Variants in MYH7B observed in about 807,000 individuals in gnomAD.
The protein encoded by MYH7B is myosin heavy chain 7B.
Under a neutral mutation model 234.5 loss-of-function variants are expected in MYH7B, and 205 were observed. That is an observed-to-expected ratio of 0.87 (90% CI 0.78 to 0.98). The LOEUF is 0.98. Ranked by LOEUF, MYH7B falls within the 50% of genes least tolerant of loss-of-function variation. The probability of loss-of-function intolerance (pLI) is 0.00; values close to 1 mark genes in which losing one functional copy is unlikely to be tolerated. For synonymous variants in MYH7B, 1,193 were observed against 1,105.0 expected (o/e 1.08, Z -1.58); for missense variants, 2,652 against 2,633.4 (o/e 1.01, Z -0.15).
Position 35,001,223 on chromosome 20 carries a change from C to T in MYH7B, c.5476-22C>T, listed in dbSNP as rs143109261. ...GGTGACCCAGGGGTGGGCTTGGCATCAGGCTGTCCCCCTGCCTGCAGGTAC... is the reference window on the plus strand; with the variant it reads ...GGTGACCCAGGGGTGGGCTTGGCATTAGGCTGTCCCCCTGCCTGCAGGTAC... On this transcript the variant is annotated intron_variant, in intron 41 of 44. Coordinates refer to ENST00000262873, the Ensembl canonical transcript of MYH7B. 6.0e-4 allele frequency: 959 copies of T among 1,606,536 alleles called. 6 individuals are homozygous for T. In the East Asian group the frequency reaches 9.1e-3, roughly 15 times the overall value.
chr20:34,993,767 T>C (rs2082202145), intron 26 of MYH7B, among the ~76,000 whole-genome samples: 1 of 152,236 alleles, frequency 6.6e-6, no homozygotes. Flanking sequence ...TTCTCTGCAT[T>C]ATCCTGGTTA....
chr20:35,000,180 G>A (rs2082342595), intron 38 of MYH7B, 113 bp from the exon 39 acceptor site: 2 of 1,295,518 alleles, frequency 1.5e-6, no homozygotes, highest in South Asian at 1.4e-5. Flanking sequence ...TTTAAATCGG[G>A]GAGGGGTGAC....
chr20:34,990,110 G>A, exon 21 of MYH7B: 1 of 1,614,160 alleles, frequency 6.2e-7, no homozygotes, highest in Non-Finnish European at 8.5e-7. Flanking sequence ...TAGGCTCCTG[G>A]CGACTCTCTA....
At chr20:35,000,871 A>C (rs766488996) in exon 40 of MYH7B, 2 of 1,613,328 alleles carry the variant, frequency 1.2e-6, no homozygotes, top group Admixed American at 1.7e-5. Flanking sequence ...GCTGAGGAGA[A>C]GGCCAAAAAG....
In MYH7B at chr20:34,990,839, G is replaced by A. The variant is rs1311795822; in HGVS notation, c.2065+14G>A. 6.2e-7 allele frequency: 1 copy of A among 1,613,892 alleles called. No individual in the cohort carries two copies. The highest frequency in any genetic ancestry group is 1.1e-5 in the South Asian group (1 of 91,072). On this transcript the variant is annotated intron_variant, in intron 23 of 44. Transcript: ENST00000262873. ...ACAAAACCCCAGGTAGTCACCCAGG[G>A]CTGGCCTGGCTGGGGCCGGGAGGCA...
At chr20:34,975,860 C>A (rs1052641230) in intron 3 of MYH7B, among the ~76,000 whole-genome samples, 1 of 152,128 alleles carries the variant, frequency 6.6e-6, no homozygotes, top group Non-Finnish European at 1.5e-5. Flanking sequence ...GGACTACAGG[C>A]GCCCGCCACC....
rs2081956457 is a variant in MYH7B at position 34,982,554 on chromosome 20, C to T, written c.623C>T (p.Ala208Val). ...CTGGGAGACGGGCCGGGCAAGAAGGCCGTAAGACTTGCCCACTCGGGCATG... is the reference window on the plus strand; with the variant it reads ...CTGGGAGACGGGCCGGGCAAGAAGGTCGTAAGACTTGCCCACTCGGGCATG... The change falls in exon 10 of 45, where the codon GCC (alanine) becomes GTC (valine). Residue 208 changes from alanine to valine, a missense_variant and splice_region_variant. By Grantham distance (64) the Ala-to-Val change is moderately conservative. Transcript: ENST00000262873. The T allele has an allele frequency of 7.5e-6, 12 of 1,595,612 alleles. No individual in the cohort carries two copies. The highest frequency in any genetic ancestry group is 1.0e-5 in the Non-Finnish European group (12 of 1,168,428).
chr20:35,001,493 G>C, exon 43 of MYH7B: 1 of 1,610,330 alleles, frequency 6.2e-7, no homozygotes, highest in African/African-American at 1.3e-5. Context: ...TGCAGAGCAA[G>C]GTCAAGAGCT....
intron 2 of MYH7B, among the ~76,000 whole-genome samples, chr20:34,959,841 C>T (rs919042319): frequency 1.3e-5 from 2 of 152,318 alleles, no homozygotes; most frequent in East Asian, 1.9e-4. Flanking sequence ...GATCTGGTCG[C>T]TAAGTGTCAG....
At chr20:34,986,124 T>C (rs1207613298) in exon 14 of MYH7B, 2 of 1,592,222 alleles carry the variant, frequency 1.3e-6, no homozygotes, top group Non-Finnish European at 1.7e-6. Context: ...TCGCGGGTGA[T>C]CTTCCAGTTG....
intron 19 of MYH7B, among the ~76,000 whole-genome samples, chr20:34,988,477 A>G (rs927452713): frequency 5.3e-5 from 8 of 152,186 alleles, no homozygotes; most frequent in Non-Finnish European, 1.0e-4. Context: ...GGAGTTGACC[A>G]TGAGTGAGCC....
intron 7 of MYH7B, 79 bp downstream of exon 7, chr20:34,979,883 C>A: frequency 6.7e-7 from 1 of 1,503,082 alleles, no homozygotes; most frequent in Non-Finnish European, 9.0e-7. Flanking sequence ...TGGGGGCGGG[C>A]CCATAGCGGT....
chr20:34,999,400 T>C lies in MYH7B; in HGVS notation c.4535T>C (p.Leu1512Pro). Residue 1512 changes from leucine to proline, a missense_variant, in exon 36 of 45, where the codon CTG (leucine) becomes CCG (proline). By Grantham distance (98) the Leu-to-Pro change is moderately conservative (BLOSUM62 -3). Around this residue, in one of 3 missense-constraint regions of MYH7B, gnomAD observed 2,279 missense variants for 2,211.4 expected, o/e 1.03. Coordinates refer to ENST00000262873, the Ensembl canonical transcript of MYH7B. ...ACGCTCAAGCGGGAGAACAAGAACC[T>C]GCAGGGTAGGACCTGCCACACGCCA... The C allele has an allele frequency of 2.0e-6, 3 of 1,516,598 alleles. No homozygotes were observed. The highest frequency in any genetic ancestry group is 2.6e-6 in the Non-Finnish European group (3 of 1,132,288). 93.9% of individuals were successfully genotyped at this position (1,516,598 alleles called of 1,614,324 possible). A position where few individuals can be genotyped will look rare whatever the true frequency, so the allele number is the denominator to read the frequency against.
exon 38 of MYH7B, chr20:34,999,814 C>G: frequency 6.8e-7 from 1 of 1,480,678 alleles, no homozygotes; most frequent in South Asian, 1.1e-5. Flanking sequence ...TGGAGGAGAC[C>G]AAGACGCTGC....
chr20:34,985,850 ACACT>A (rs778760172), intron 13 of MYH7B, among the ~76,000 whole-genome samples: 1 of 152,036 alleles, frequency 6.6e-6, no homozygotes, highest in East Asian at 1.9e-4. Context: ...CGCAGACACC[ACACT>A]CACCCCACAC....
chr20:34,975,158 T>C (rs1362626109), intron 2 of MYH7B, among the ~76,000 whole-genome samples: 2 of 152,240 alleles, frequency 1.3e-5, no homozygotes, highest in East Asian at 3.8e-4. Flanking sequence ...AGGTGAGGGA[T>C]GGCCCGAAGG....
At chr20:35,002,222 CTGCTGT>C in exon 45 of MYH7B, 10 of 1,506,936 alleles carry the variant, frequency 6.6e-6, no homozygotes, top group Non-Finnish European at 8.8e-6. Flanking sequence ...AGAGGAATGT[CTGCTGT>C]TGCACATCTG....
intron 2 of MYH7B, among the ~76,000 whole-genome samples, chr20:34,969,490 T>TC (rs1327498499): frequency 1.3e-5 from 2 of 148,610 alleles, no homozygotes; most frequent in East Asian, 4.0e-4. Flanking sequence ...AATGTCTCTC[T>TC]CCCCCGATTT....
At chr20:34,995,982 A>G (rs2082248518) in intron 28 of MYH7B, among the ~76,000 whole-genome samples, 1 of 152,156 alleles carries the variant, frequency 6.6e-6, no homozygotes, top group Non-Finnish European at 1.5e-5. Context: ...GAGGGACTCC[A>G]TTACACAGGA....
Sources: gnomAD v4.1 joint callset for allele counts (sites outside exome capture counted in the v4.1 genomes callset) on GRCh38, gnomAD v4.1.1 for gene constraint, gnomAD v4.1.1 regional missense constraint, MANE v1.5 for transcripts, NCBI Gene and HGNC (gene_info 2026-07-23, HGNC 2026-07-21) for gene names.